Variants in CIRBP observed in about 807,000 individuals in gnomAD.
CIRBP encodes cold-inducible RNA-binding protein.
A neutral mutation model predicts 22.3 loss-of-function variants in CIRBP; 11 were observed. That is an observed-to-expected ratio of 0.49 (90% CI 0.31 to 0.82). The LOEUF is 0.82. Ranked by LOEUF, CIRBP falls within the 40% of genes least tolerant of loss-of-function variation. The probability of loss-of-function intolerance (pLI) is 0.05; values close to 1 mark genes in which losing one functional copy is unlikely to be tolerated. For missense variants in CIRBP, 456 were observed against 402.7 expected, an observed-to-expected ratio of 1.13 and a Z score of -1.13; for synonymous variants, 216 against 158.8, an observed-to-expected ratio of 1.36 and a Z score of -2.71.
At position 1,273,008 on chromosome 19, in the gene CIRBP, T is replaced by C. The variant is rs1227825323; in HGVS notation, c.*565T>C. 8.5e-5 allele frequency: 13 copies of C among 152,548 alleles called. No homozygotes were observed. Among genetic ancestry groups the C allele is most frequent in the Admixed American group, 8.5e-4 (13 of 15,302 alleles). 9.4% of individuals were successfully genotyped at this position (152,548 alleles called of 1,614,324 possible). A position where few individuals can be genotyped will look rare whatever the true frequency, so the allele number is the denominator to read the frequency against. ...TGTGCTGTGCGCCCCACAGTAGACG[T>C]GCAGACGTCCCTGAGAGGTTCTTGA... On this transcript the variant is annotated 3_prime_UTR_variant, in exon 6 of 6. Transcript: ENST00000587896.
intron 1 of CIRBP, chr19:1,270,085 C>T (rs773719971): frequency 5.8e-6 from 3 of 516,132 alleles, no homozygotes; most frequent in South Asian, 1.4e-5. Context: ...ATAGCCAGTT[C>T]TCCTAAATGC....
Position 1,271,261 on chromosome 19 carries a change from G to T in CIRBP, c.210+15G>T. On this transcript the variant is annotated intron_variant, in intron 3 of 5. Coordinates refer to ENST00000587896, the MANE Select transcript of CIRBP (RefSeq NM_001300829.2). Reference sequence around the variant, plus strand: ...TGAATGGGAAGGTGAGGATCAGGGTGCTGAGCAGGAGTCCCGTCTCGAGGA... The same window carrying T: ...TGAATGGGAAGGTGAGGATCAGGGTTCTGAGCAGGAGTCCCGTCTCGAGGA... 3.1e-6 allele frequency: 5 copies of T among 1,614,026 alleles called. No individual in the cohort carries two copies. Among genetic ancestry groups the T allele is most frequent in the Non-Finnish European group, 4.2e-6 (5 of 1,179,980 alleles).
chr19:1,272,009 C>A lies in CIRBP; in HGVS notation c.460C>A (p.Arg154=), dbSNP rs772302756. 6.2e-7 allele frequency: 1 copy of A among 1,612,034 alleles called. No homozygotes were observed. The highest frequency in any genetic ancestry group is 1.3e-5 in the African/African-American group (1 of 74,988). The part of the protein sequence containing the change: ...SRSQSGGYSD[R]SSGGSYRDSY... ...GAGTCAGAGTGGTGGCTACAGTGAC[C>A]GGAGCTCGGGCGGGTCCTACAGAGA... The change falls in exon 6 of 6, where the codon CGG becomes AGG. Residue 154 remains arginine, a synonymous_variant. Transcript: ENST00000587896.
rs749434681 is a variant in CIRBP, at chr19:1,271,431, C to T, written c.313C>T (p.Arg105Cys). 3.5e-5 allele frequency: 57 copies of T among 1,612,628 alleles called. No homozygotes were observed. Among genetic ancestry groups the T allele is most frequent in the East Asian group, 6.7e-5 (3 of 44,900 alleles). The change falls in exon 4 of 6, where the codon CGT becomes TGT. Residue 105 changes from arginine to cysteine, a missense_variant. By Grantham distance (180) the Arg-to-Cys change is radical (BLOSUM62 -3). Around this residue, in one of 2 missense-constraint regions of CIRBP, gnomAD observed 426 missense variants for 339.6 expected, o/e 1.25. Coordinates refer to ENST00000587896, the MANE Select transcript of CIRBP (RefSeq NM_001300829.2). Reference protein sequence around the residue: ...GGSAGGRGFFRGGRGRGRGFS... With the variant: ...GGSAGGRGFFCGGRGRGRGFS... ...CTCTGCCGGGGGCCGGGGCTTCTTC[C>T]GTGGGGGCCGAGGACGGGGCCGTGG...
Position 1,272,114 on chromosome 19 carries a change from G to C in CIRBP, c.565G>C (p.Val189Leu), listed in dbSNP as rs1341355183. 2 of 1,613,728 alleles carry C rather than the reference G, an allele frequency of 1.2e-6. No homozygotes were observed. The highest frequency in any genetic ancestry group is 1.7e-6 in the Non-Finnish European group (2 of 1,180,020). ...TGCGGTGGGAGCTCGGTTCACCTTG[G>C]TGCCCTCTCCAAGCACTTTAGGCTG... Reference protein sequence around the residue: ...WPAVGARFTLVPSPSTLGWTL... With the variant: ...WPAVGARFTLLPSPSTLGWTL... The change falls in exon 6 of 6, where the codon GTG becomes CTG. Residue 189 changes from valine to leucine, a missense_variant. Val to Leu is a conservative substitution (Grantham distance 32). Around this residue, in one of 2 missense-constraint regions of CIRBP, gnomAD observed 426 missense variants for 339.6 expected, o/e 1.25. Coordinates refer to ENST00000587896, the MANE Select transcript of CIRBP (RefSeq NM_001300829.2).
rs780435354 is a variant in CIRBP, at chr19:1,272,355, G to A, written c.806G>A (p.Gly269Asp). 8 of 1,612,198 alleles carry A rather than the reference G, an allele frequency of 5.0e-6. No individual in the cohort carries two copies. Among genetic ancestry groups the A allele is most frequent in the Middle Eastern group, 1.7e-4 (1 of 6,050 alleles). The change falls in exon 6 of 6, where the codon GGT (glycine) becomes GAT (aspartate). Residue 269 changes from glycine to aspartate, a missense_variant. Physicochemically the swap from Gly to Asp is moderately conservative, Grantham distance 94. Around this residue, in one of 2 missense-constraint regions of CIRBP, gnomAD observed 426 missense variants for 339.6 expected, o/e 1.25. Transcript: ENST00000587896. ...WLLPGRRPRPGLASGVKLPLV... is the reference protein window; with the variant it reads ...WLLPGRRPRPDLASGVKLPLV... ...CTCCCCGGCCGCAGGCCGCGCCCTG[G>A]TCTGGCCTCTGGGGTGAAGCTGCCT...
In CIRBP at chr19:1,272,261, C is replaced by T. The variant is rs2081355315; in HGVS notation, c.712C>T (p.Pro238Ser). 2 of 1,610,512 alleles carry T rather than the reference C, an allele frequency of 1.2e-6. No individual in the cohort carries two copies. Among genetic ancestry groups the T allele is most frequent in the Non-Finnish European group, 1.7e-6 (2 of 1,178,858 alleles). ...CCAAAAAGGCAAGGGAGAGCGAGGG[C>T]CCGCTGGGCAGTCAGCTAGGTGCAT... Reference protein sequence around the residue: ...TDQKGKGERGPAGQSARCMCG... With the variant: ...TDQKGKGERGSAGQSARCMCG... Residue 238 changes from proline to serine, a missense_variant, in exon 6 of 6, where the codon CCC becomes TCC. Around this residue, in one of 2 missense-constraint regions of CIRBP, gnomAD observed 426 missense variants for 339.6 expected, o/e 1.25. Transcript: ENST00000587896.
At position 1,274,612 on chromosome 19, in the gene CIRBP, C is replaced by A. The variant is rs1044357357; in HGVS notation, c.*2169C>A. 34 of 285,862 alleles carry A rather than the reference C, an allele frequency of 1.2e-4. No homozygotes were observed. The highest frequency in any genetic ancestry group is 7.4e-4 in the African/African-American group (34 of 45,830). The allele number at this position is 285,862 out of a possible 1,614,324, so 17.7% of individuals were successfully genotyped here. On this transcript the variant is annotated 3_prime_UTR_variant, in exon 6 of 6. Coordinates refer to ENST00000587896, the MANE Select transcript of CIRBP (RefSeq NM_001300829.2). ...GGAGCGCCGGGTCCCCCGCCTGGAG[C>A]CCGCGCCTGTTCTCCCTCCCTTCCT...
At chr19:1,270,251 G>C (rs965910558) in intron 1 of CIRBP, 3 of 390,024 alleles carry the variant, frequency 7.7e-6, no homozygotes, top group African/African-American at 6.2e-5. Flanking sequence ...CCAGTCTCAG[G>C]AGGCATTTTA....
At chr19:1,270,824 C>T (rs527390417) in intron 1 of CIRBP, 104 bp from the exon 2 acceptor site, 5 of 815,236 alleles carry the variant, frequency 6.1e-6, no homozygotes, top group South Asian at 3.0e-5. Flanking sequence ...ATCTGATTTT[C>T]TAATATTTCC....
At chr19:1,270,024 A>G (rs566643827) in intron 1 of CIRBP, 8 of 519,680 alleles carry the variant, frequency 1.5e-5, no homozygotes, top group African/African-American at 5.8e-5. Flanking sequence ...GGTGGCGGCC[A>G]TTCCCAGCCA....
At chr19:1,271,958 C>G (rs752983394) in intron 5 of CIRBP, 23 bp from the exon 6 acceptor site, 2 of 1,592,422 alleles carry the variant, frequency 1.3e-6, no homozygotes, top group East Asian at 4.5e-5. Context: ...CCTTCCGGTA[C>G]TCAACGTTTG....
In CIRBP at chr19:1,271,515, G is replaced by A. The variant is rs779047265; in HGVS notation, c.350-36G>A. On this transcript the variant is annotated intron_variant, in intron 4 of 5. Transcript: ENST00000587896. ...TTGGGGATGCTGTGAGGTACTGCTG[G>A]TGGGAGCTGGTACTCACTTTTTCCT... The A allele has an allele frequency of 8.7e-6, 14 of 1,600,582 alleles. No homozygotes were observed. The African/African-American group carries it at 1.5e-4, about 17-fold the overall frequency.
At chr19:1,270,046 G>T (rs1041483369) in intron 1 of CIRBP, 1 of 519,812 alleles carries the variant, frequency 1.9e-6, no homozygotes, top group African/African-American at 1.9e-5. Context: ...TGAATGCTTT[G>T]TCTGTGTCAG....
rs902519787 is a variant in CIRBP, at chr19:1,274,640, T to C, written c.*2197T>C. The C allele has an allele frequency of 1.1e-4, 28 of 247,060 alleles. No individual in the cohort carries two copies. Among genetic ancestry groups the C allele is most frequent in the Middle Eastern group, 1.2e-3 (1 of 866 alleles). The allele number at this position is 247,060 out of a possible 1,614,324, so 15.3% of individuals were successfully genotyped here. A position where few individuals can be genotyped will look rare whatever the true frequency, so the allele number is the denominator to read the frequency against. On this transcript the variant is annotated 3_prime_UTR_variant, in exon 6 of 6. Coordinates refer to ENST00000587896, the MANE Select transcript of CIRBP (RefSeq NM_001300829.2). ...GCGCCTGTTCTCCCTCCCTTCCTCC[T>C]CCTTCCAGGAGGCGCTTCGCCAGTG...
In CIRBP at chr19:1,274,536, C is replaced by A. The variant is rs951658665; in HGVS notation, c.*2093C>A. ...AGTCCTGCTCTCCCGCACCTATGGC[C>A]CCATGGCGGGCGCCTTTCGGTGTGT... On this transcript the variant is annotated 3_prime_UTR_variant, in exon 6 of 6. Transcript: ENST00000587896. The A allele has an allele frequency of 5.2e-6, 2 of 384,792 alleles. No homozygotes were observed. The highest frequency in any genetic ancestry group is 4.1e-5 in the African/African-American group (2 of 48,222). The allele number at this position is 384,792 out of a possible 1,614,324, so 23.8% of individuals were successfully genotyped here.
Position 1,273,284 on chromosome 19 carries a change from CCTGGGGCCTGCA to C in CIRBP, c.*842_*853del, listed in dbSNP as rs2081372661. The C allele has an allele frequency of 1.3e-5, 2 of 152,356 alleles. No individual in the cohort carries two copies. Among genetic ancestry groups the C allele is most frequent in the Admixed American group, 6.5e-5 (1 of 15,280 alleles). The allele number at this position is 152,356 out of a possible 1,614,324, so 9.4% of individuals were successfully genotyped here. A position where few individuals can be genotyped will look rare whatever the true frequency, so the allele number is the denominator to read the frequency against. On this transcript the variant is annotated 3_prime_UTR_variant, in exon 6 of 6. Transcript: ENST00000587896. Reference sequence around the variant, plus strand: ...AGAAGCAGCGGGTCTGCAAGCCTTCCCTGGGGCCTGCAGAGCTAGAAAGGGAGGCCCAGCAGA... The same window carrying C: ...AGAAGCAGCGGGTCTGCAAGCCTTCCGAGCTAGAAAGGGAGGCCCAGCAGA...
chr19:1,270,515 C>G (rs1487196289), intron 1 of CIRBP, among the ~76,000 whole-genome samples: 1 of 152,156 alleles, frequency 6.6e-6, no homozygotes, highest in Non-Finnish European at 1.5e-5. Context: ...CACCTGTAAT[C>G]CCAAAACTTT....
rs1568834526 is a variant in CIRBP at position 1,272,435 on chromosome 19, A to G, written c.886A>G (p.Asn296Asp). Reference sequence around the variant, plus strand: ...CTGCTTCTTGTCCTCAGCTACACACAACGAGTAAAAACCCTTCCTGCTCAA... The same window carrying G: ...CTGCTTCTTGTCCTCAGCTACACACGACGAGTAAAAACCCTTCCTGCTCAA... ...CACFLSSATH[N>D]E The change falls in exon 6 of 6, where the codon AAC becomes GAC. Residue 296 changes from asparagine to aspartate, a missense_variant. Asn to Asp is a conservative substitution (Grantham distance 23). This residue lies in a region of CIRBP where 426 missense variants were observed against 339.6 expected (regional missense o/e 1.25). Transcript: ENST00000587896. 3 of 1,538,768 alleles carry G rather than the reference A, an allele frequency of 1.9e-6. No homozygotes were observed. Among genetic ancestry groups the G allele is most frequent in the Non-Finnish European group, 2.6e-6 (3 of 1,144,074 alleles).
Sources: gnomAD v4.1 joint callset for allele counts (sites outside exome capture counted in the v4.1 genomes callset) on GRCh38, gnomAD v4.1.1 for gene constraint, gnomAD v4.1.1 regional missense constraint, MANE v1.5 for transcripts, NCBI Gene and HGNC (gene_info 2026-07-23, HGNC 2026-07-21) for gene names.